The following AOAH variants were observed in gnomAD, a reference collection of about 807,000 sequenced individuals.
The protein encoded by AOAH is acyloxyacyl hydrolase.
Under a neutral mutation model 92.2 loss-of-function variants are expected in AOAH, and 64 were observed. That is an observed-to-expected ratio of 0.69 (90% CI 0.57 to 0.86). AOAH has a LOEUF of 0.86. AOAH is among the 40% of genes least tolerant of loss of function. The pLI is 0.00. For synonymous variants in AOAH, 263 were observed against 254.5 expected (o/e 1.03, Z -0.32); for missense variants, 656 against 694.6 (o/e 0.94, Z 0.62).
chr7:36,623,396 T>C (rs1297237181), intron 6 of AOAH, 146 bp from the exon 7 acceptor site: 25 of 712,200 alleles, frequency 3.5e-5, no homozygotes, highest in Non-Finnish European at 5.8e-5. Context: ...AGATCCTGTG[T>C]GGTGTCAGAC....
intron 20 of AOAH, among the ~76,000 whole-genome samples, chr7:36,517,846 C>G (rs1446164398): frequency 2.0e-5 from 3 of 151,800 alleles, no homozygotes; most frequent in Non-Finnish European, 4.4e-5. Context: ...GGTGATCTGC[C>G]TGCCTCGACC....
chr7:36,702,740 G>C (rs150187830), intron 1 of AOAH, among the ~76,000 whole-genome samples: 16 of 152,260 alleles, frequency 1.1e-4, no homozygotes, highest in African/African-American at 3.9e-4. Flanking sequence ...GTCTTGCCTC[G>C]ATGTTGTTGG....
At chr7:36,660,135 A>T (rs1434116916) in intron 3 of AOAH, among the ~76,000 whole-genome samples, 1 of 151,994 alleles carries the variant, frequency 6.6e-6, no homozygotes, top group African/African-American at 2.4e-5. Context: ...CTATAAAGCA[A>T]CCGCTTCCCC....
At chr7:36,626,841 G>T (rs1370228419) in intron 6 of AOAH, among the ~76,000 whole-genome samples, 1 of 152,106 alleles carries the variant, frequency 6.6e-6, no homozygotes, top group Non-Finnish European at 1.5e-5. Context: ...CTGGTCTTTA[G>T]CTCCTGACCT....
rs540003019 is a variant in AOAH at position 36,682,128 on chromosome 7, T to A, written c.223+4571A>T. 1.1e-3 allele frequency among the ~76,000 whole-genome samples: 171 copies of A among 152,246 alleles called. No individual in the cohort carries two copies. In the Middle Eastern group the frequency reaches 0.014, roughly 12 times the overall value. On this transcript the variant is annotated intron_variant, in intron 2 of 20. Coordinates refer to ENST00000617537, the MANE Select transcript of AOAH (RefSeq NM_001637.4). ...TCAATAGCTGGTGAATGCAAAGAGTTCAAGACTAGAAGGAATTAGTGGCTA... is the reference window on the plus strand; with the variant it reads ...TCAATAGCTGGTGAATGCAAAGAGTACAAGACTAGAAGGAATTAGTGGCTA...
intron 1 of AOAH, among the ~76,000 whole-genome samples, chr7:36,687,126 G>A (rs906507343): frequency 3.3e-5 from 5 of 152,102 alleles, no homozygotes; most frequent in African/African-American, 7.2e-5. Flanking sequence ...TGGAAAAGCG[G>A]TGGAAATTGC....
intron 1 of AOAH, among the ~76,000 whole-genome samples, chr7:36,695,018 G>A (rs185308947): frequency 1.3e-5 from 2 of 152,236 alleles, no homozygotes; most frequent in Admixed American, 6.5e-5. Context: ...TACTTGCTAA[G>A]GTGGAAAGTT....
At chr7:36,531,060 A>G (rs532373162) in intron 18 of AOAH, among the ~76,000 whole-genome samples, 80 of 152,370 alleles carry the variant, frequency 5.3e-4, no homozygotes, top group African/African-American at 1.8e-3. Flanking sequence ...ATCATAATAT[A>G]GTCACGTATA....
At chr7:36,595,560 T>C (rs747696439) in intron 11 of AOAH, among the ~76,000 whole-genome samples, 1 of 152,096 alleles carries the variant, frequency 6.6e-6, no homozygotes, top group Non-Finnish European at 1.5e-5. Flanking sequence ...CATACATAAA[T>C]AATAAAGGAT....
At chr7:36,602,139 A>C (rs750646396) in intron 11 of AOAH, among the ~76,000 whole-genome samples, 31 of 152,222 alleles carry the variant, frequency 2.0e-4, no homozygotes, top group Non-Finnish European at 4.6e-4. Context: ...GGCAGTGAAT[A>C]AACAATCAAA....
At chr7:36,520,258 G>A (rs1459441397) in intron 20 of AOAH, among the ~76,000 whole-genome samples, 1 of 152,170 alleles carries the variant, frequency 6.6e-6, no homozygotes, top group Non-Finnish European at 1.5e-5. Flanking sequence ...ATATATCCTG[G>A]GGGATAAAAC....
intron 1 of AOAH, among the ~76,000 whole-genome samples, chr7:36,721,438 C>T (rs183819525): frequency 3.9e-5 from 6 of 152,294 alleles, no homozygotes; most frequent in African/African-American, 1.4e-4. Flanking sequence ...ATTTCTAATC[C>T]TGTCTCCCCC....
At chr7:36,718,252 A>G (rs1240869277) in intron 1 of AOAH, among the ~76,000 whole-genome samples, 3 of 152,220 alleles carry the variant, frequency 2.0e-5, no homozygotes, top group Non-Finnish European at 2.9e-5. Context: ...AAAACCAAAA[A>G]TGAGATCTCA....
chr7:36,686,075 T>TA (rs1380122520), intron 2 of AOAH, among the ~76,000 whole-genome samples: 3 of 152,178 alleles, frequency 2.0e-5, no homozygotes, highest in African/African-American at 7.2e-5. Context: ...ACTGTTCAAG[T>TA]AACAGTATTC....
At chr7:36,569,131 T>C (rs1160521654) in intron 13 of AOAH, among the ~76,000 whole-genome samples, 1 of 152,218 alleles carries the variant, frequency 6.6e-6, no homozygotes, top group East Asian at 1.9e-4. Context: ...GGCCCCTCAC[T>C]GTATGAACAG....
At chr7:36,671,513 C>T (rs1795922560) in intron 3 of AOAH, among the ~76,000 whole-genome samples, 1 of 152,152 alleles carries the variant, frequency 6.6e-6, no homozygotes, top group Admixed American at 6.5e-5. Flanking sequence ...TGGTAAATGC[C>T]ATGCTACGGG....
intron 11 of AOAH, among the ~76,000 whole-genome samples, chr7:36,604,806 AC>A (rs543623190): frequency 7.7e-4 from 118 of 152,298 alleles, no homozygotes; most frequent in African/African-American, 2.8e-3. Flanking sequence ...GGACTCTGTG[AC>A]CACAGCTGAG....
chr7:36,609,963 G>A (rs1562618214), intron 11 of AOAH, among the ~76,000 whole-genome samples: 2 of 151,894 alleles, frequency 1.3e-5, no homozygotes, highest in Non-Finnish European at 2.9e-5. Flanking sequence ...CCACAAGCAC[G>A]AAAAACCAGA....
chr7:36,554,216 C>T (rs1205522902), intron 13 of AOAH, among the ~76,000 whole-genome samples: 1 of 152,188 alleles, frequency 6.6e-6, no homozygotes, highest in Admixed American at 6.5e-5. Context: ...AGCCAGTTTT[C>T]CCAGCACCAT....
Sources: gnomAD v4.1 joint callset for allele counts (sites outside exome capture counted in the v4.1 genomes callset) on GRCh38, gnomAD v4.1.1 for gene constraint, MANE v1.5 for transcripts, NCBI Gene and HGNC (gene_info 2026-07-23, HGNC 2026-07-21) for gene names.